INPP5A: variants seen among roughly 807,000 people sequenced by gnomAD.
INPP5A encodes the protein 43 kDa inositol polyphosphate 5-phophatase.
Under a neutral mutation model 65.2 loss-of-function variants are expected in INPP5A, and 14 were observed. The ratio of observed to expected loss-of-function variants is 0.21; its 90% confidence interval spans 0.14 to 0.34. INPP5A has a LOEUF of 0.34. INPP5A is among the 10% of genes least tolerant of loss of function. The pLI is 1.00. For missense variants in INPP5A, 431 were observed against 545.6 expected, an observed-to-expected ratio of 0.79 and a Z score of 2.09; for synonymous variants, 207 against 208.3, an observed-to-expected ratio of 0.99 and a Z score of 0.05.
rs1392030882 is a variant in INPP5A at position 132,659,429 on chromosome 10, A to G, written c.306+8924A>G. The stretch of plus-strand genomic sequence containing the variant: ...GCGGGAGTGGTGGGCAGTGCTGGCC[A>G]TGAGGTCCCTGTGGGGTGCATCCAC... On this transcript the variant is annotated intron_variant, in intron 4 of 15. Transcript: ENST00000368594. This position sits in a 1 kb window ranked among gnomAD's most constrained non-coding sequence, Gnocchi z 5.5. Among the ~76,000 whole-genome samples, 6 of 152,156 alleles carry G rather than the reference A, an allele frequency of 3.9e-5. No individual in the cohort carries two copies. Among genetic ancestry groups the G allele is most frequent in the East Asian group, 1.9e-4 (1 of 5,190 alleles).
At chr10:132,734,547 T>A (rs1846143287) in intron 9 of INPP5A, among the ~76,000 whole-genome samples, 1 of 152,146 alleles carries the variant, frequency 6.6e-6, no homozygotes, top group African/African-American at 2.4e-5. Flanking sequence ...AGGTTCTGGG[T>A]GGGTGAGTGT....
rs2070874246 is a variant in INPP5A at position 132,538,817 on chromosome 10, T to C, written c.75+646T>C. Among the ~76,000 whole-genome samples the C allele has an allele frequency of 6.6e-6, 1 of 152,156 alleles. No individual in the cohort carries two copies. The highest frequency in any genetic ancestry group is 1.5e-5 in the Non-Finnish European group (1 of 68,022). On this transcript the variant is annotated intron_variant, in intron 1 of 15. Transcript: ENST00000368594. This position sits in a 1 kb window ranked among gnomAD's most constrained non-coding sequence, Gnocchi z 4.1. Reference sequence around the variant, plus strand: ...ACACAGGGCTGTGGCCCCAACCTCCTGTCCCTGTTCCCCAATCACTGAATT... The same window carrying C: ...ACACAGGGCTGTGGCCCCAACCTCCCGTCCCTGTTCCCCAATCACTGAATT...
chr10:132,764,177 A>G (rs542054830), intron 11 of INPP5A, among the ~76,000 whole-genome samples: 1 of 152,384 alleles, frequency 6.6e-6, no homozygotes, highest in South Asian at 2.1e-4. Context: ...GGCACAGGGT[A>G]ATGACTGTGT....
chr10:132,632,919 C>T (rs926788924), intron 2 of INPP5A, among the ~76,000 whole-genome samples: 9 of 152,218 alleles, frequency 5.9e-5, no homozygotes, highest in Non-Finnish European at 8.8e-5. Flanking sequence ...GGTGGCTTAG[C>T]GTTGGCCATG....
chr10:132,598,017 G>A (rs1028085974), intron 1 of INPP5A, among the ~76,000 whole-genome samples: 3 of 152,254 alleles, frequency 2.0e-5, no homozygotes, highest in Admixed American at 1.3e-4. Flanking sequence ...TTTTGGGCAG[G>A]TCTCAGATTT....
rs2072763855 is a variant in INPP5A, at chr10:132,663,581, C to T, written c.306+13076C>T. On this transcript the variant is annotated intron_variant, in intron 4 of 15. Transcript: ENST00000368594. This position sits in a 1 kb window ranked among gnomAD's most constrained non-coding sequence, Gnocchi z 4.5. ...GATTTTGAATGTAACATTATTCCCA[C>T]TCAATGAGTGATTTTGGTCGACGTT... Among the ~76,000 whole-genome samples, 1 of 152,244 alleles carries T rather than the reference C, an allele frequency of 6.6e-6. No individual in the cohort carries two copies. The highest frequency in any genetic ancestry group is 2.4e-5 in the African/African-American group (1 of 41,456).
At chr10:132,605,831 T>C (rs1386009305) in intron 1 of INPP5A, among the ~76,000 whole-genome samples, 5 of 152,370 alleles carry the variant, frequency 3.3e-5, no homozygotes, top group African/African-American at 1.2e-4. Flanking sequence ...TGCTCTCATC[T>C]TTCATTTAGA....
In INPP5A at chr10:132,538,269, T is replaced by C; in HGVS notation, c.75+98T>C. 1 of 630,438 alleles carries C rather than the reference T, an allele frequency of 1.6e-6. No homozygotes were observed. 39.1% of individuals were successfully genotyped at this position (630,438 alleles called of 1,614,324 possible). On this transcript the variant is annotated intron_variant, in intron 1 of 15. Coordinates refer to ENST00000368594, the MANE Select transcript of INPP5A (RefSeq NM_005539.5). The surrounding 1 kb of genome is among the most constrained non-coding windows in gnomAD (Gnocchi z 4.1). ...AGCCTTGGACCCTGGACCGTGAACCTCCAGACCCAGAGGCCCCAGACTCTG... is the reference window on the plus strand; with the variant it reads ...AGCCTTGGACCCTGGACCGTGAACCCCCAGACCCAGAGGCCCCAGACTCTG...
chr10:132,669,145 C>T (rs957847043), intron 4 of INPP5A, among the ~76,000 whole-genome samples: 15 of 152,170 alleles, frequency 9.9e-5, no homozygotes, highest in Admixed American at 1.3e-4. Context: ...CCCAGCTACT[C>T]GGGAGGCTGA....
chr10:132,654,474 C>G (rs779366746), intron 4 of INPP5A, among the ~76,000 whole-genome samples: 2 of 152,224 alleles, frequency 1.3e-5, no homozygotes, highest in Non-Finnish European at 2.9e-5. Flanking sequence ...TGGGCCACCA[C>G]TGGCTGCCTC....
chr10:132,664,736 G>A (rs2072780242), intron 4 of INPP5A, among the ~76,000 whole-genome samples: 1 of 152,208 alleles, frequency 6.6e-6, no homozygotes, highest in Non-Finnish European at 1.5e-5. Flanking sequence ...CATTTGGCTT[G>A]GCACCTGTTA....
At chr10:132,628,807 A>G (rs1303724538) in intron 2 of INPP5A, among the ~76,000 whole-genome samples, 1 of 152,230 alleles carries the variant, frequency 6.6e-6, no homozygotes, top group East Asian at 1.9e-4. Flanking sequence ...TCCAATAGAA[A>G]TGGTGTGTAA....
intron 4 of INPP5A, among the ~76,000 whole-genome samples, chr10:132,672,903 GT>G (rs955862376): frequency 1.3e-5 from 2 of 152,098 alleles, no homozygotes; most frequent in African/African-American, 2.4e-5. Flanking sequence ...GCGGGTCGTG[GT>G]TTTTTTCCTG....
At position 132,563,883 on chromosome 10, in the gene INPP5A, A is replaced by G. The variant is rs572759442; in HGVS notation, c.75+25712A>G. Among the ~76,000 whole-genome samples, 3 of 152,244 alleles carry G rather than the reference A, an allele frequency of 2.0e-5. No homozygotes were observed. The East Asian group carries it at 5.8e-4, about 29-fold the overall frequency. On this transcript the variant is annotated intron_variant, in intron 1 of 15. Coordinates refer to ENST00000368594, the MANE Select transcript of INPP5A (RefSeq NM_005539.5). ...TTGCCAGGGAGGCGTATTCACTTCC[A>G]TGGTGGCTCATGTCCACTCTACTCT...
chr10:132,720,679 G>C (rs1419033991), intron 8 of INPP5A, among the ~76,000 whole-genome samples: 1 of 150,692 alleles, frequency 6.6e-6, no homozygotes, highest in Non-Finnish European at 1.5e-5. Flanking sequence ...TGGTACCTGG[G>C]TTCTTTCTGG....
chr10:132,594,518 C>G (rs2071659818), intron 1 of INPP5A, among the ~76,000 whole-genome samples: 2 of 150,812 alleles, frequency 1.3e-5, no homozygotes, highest in Non-Finnish European at 3.0e-5. Context: ...GGTGCGTTTG[C>G]ATGCCTGTGC....
At chr10:132,775,628 AG>A (rs1847051813) in intron 12 of INPP5A, among the ~76,000 whole-genome samples, 1 of 152,092 alleles carries the variant, frequency 6.6e-6, no homozygotes, top group South Asian at 2.1e-4. Context: ...TCTCTCACCC[AG>A]GCTTCTTCCT....
At chr10:132,660,040 C>T (rs147960889) in intron 4 of INPP5A, among the ~76,000 whole-genome samples, 31 of 152,356 alleles carry the variant, frequency 2.0e-4, no homozygotes, top group East Asian at 3.9e-4. Context: ...TCCCGCGCTC[C>T]GCCGACGCGT....
chr10:132,614,611 C>T (rs1302724694), intron 2 of INPP5A, among the ~76,000 whole-genome samples: 1 of 152,268 alleles, frequency 6.6e-6, no homozygotes, highest in Non-Finnish European at 1.5e-5. Flanking sequence ...CCAGAATCTT[C>T]TCTATGTCAG....
Sources: gnomAD v4.1 joint callset for allele counts (sites outside exome capture counted in the v4.1 genomes callset) on GRCh38, gnomAD v4.1.1 for gene constraint, Gnocchi (gnomAD v3.1) non-coding constraint, MANE v1.5 for transcripts, NCBI Gene and HGNC (gene_info 2026-07-23, HGNC 2026-07-21) for gene names.